AP2M1: variants seen among roughly 807,000 people sequenced by gnomAD.
AP2M1 encodes the protein adaptor related protein complex 2 subunit mu 1.
Under a neutral mutation model 54.5 loss-of-function variants are expected in AP2M1, and 5 were observed. The observed-to-expected ratio is 0.09, with a 90% CI of 0.05 to 0.19. The LOEUF (loss-of-function observed/expected upper bound fraction) is 0.19. AP2M1 is among the 10% of genes least tolerant of loss of function. The probability of loss-of-function intolerance (pLI) is 1.00; values close to 1 mark genes in which losing one functional copy is unlikely to be tolerated. For synonymous variants in AP2M1, 186 were observed against 208.2 expected, an observed-to-expected ratio of 0.89 and a Z score of 0.92; for missense variants, 178 against 580.2, an observed-to-expected ratio of 0.31 and a Z score of 7.12.
In AP2M1 at chr3:184,182,601, A is replaced by G. The variant is rs1715310453; in HGVS notation, c.1062-156A>G. 6.6e-6 allele frequency among the ~76,000 whole-genome samples: 1 copy of G among 152,098 alleles called. No individual in the cohort carries two copies. Among genetic ancestry groups the G allele is most frequent in the South Asian group, 2.1e-4 (1 of 4,826 alleles). On this transcript the variant is annotated intron_variant, in intron 10 of 11. Coordinates refer to ENST00000292807, the MANE Select transcript of AP2M1 (RefSeq NM_004068.4). The surrounding 1 kb of genome is among the most constrained non-coding windows in gnomAD (Gnocchi z 5.5). ...CCTGTTGTTCTAAAGAAGTAGACCC[A>G]AGTTTCCATAGCAAGTGGTTAGCAG...
Position 184,180,663 on chromosome 3 carries a change from C to A in AP2M1, c.429+13C>A. On this transcript the variant is annotated intron_variant, in intron 5 of 11. Coordinates refer to ENST00000292807, the MANE Select transcript of AP2M1 (RefSeq NM_004068.4). The surrounding 1 kb of genome is among the most constrained non-coding windows in gnomAD (Gnocchi z 4.9). ...CCTCCAGCATCAGGTAAGCTCTTCC[C>A]TCAGCTTCCACCCTTGCAGCTTTGC... is the stretch of plus-strand genomic sequence containing the variant. 6.2e-7 allele frequency: 1 copy of A among 1,614,242 alleles called. No individual in the cohort carries two copies. Among genetic ancestry groups the A allele is most frequent in the South Asian group, 1.1e-5 (1 of 91,088 alleles).
At chr3:184,176,377 GC>G (rs1715073235) in intron 1 of AP2M1, among the ~76,000 whole-genome samples, 1 of 152,176 alleles carries the variant, frequency 6.6e-6, no homozygotes, top group Non-Finnish European at 1.5e-5. Flanking sequence ...CCACATTAGG[GC>G]CTAAGGGCTC....
chr3:184,178,282 T>C lies in AP2M1; in HGVS notation c.75-575T>C. On this transcript the variant is annotated intron_variant, in intron 2 of 11. Transcript: ENST00000292807. The surrounding 1 kb of genome is among the most constrained non-coding windows in gnomAD (Gnocchi z 4.9). Reference sequence around the variant, plus strand: ...GGTGGGTGGGGGCCTGCCCCCATCGTTTTCCTGCATCCTTTTTCATTCCCT... The same window carrying C: ...GGTGGGTGGGGGCCTGCCCCCATCGCTTTCCTGCATCCTTTTTCATTCCCT... The C allele has an allele frequency of 6.6e-7, 1 of 1,513,478 alleles. No homozygotes were observed. Among genetic ancestry groups the C allele is most frequent in the Non-Finnish European group, 8.9e-7 (1 of 1,126,262 alleles). The allele number at this position is 1,513,478 out of a possible 1,614,324, so 93.8% of individuals were successfully genotyped here.
In AP2M1 at chr3:184,178,431, G is replaced by A. The variant is rs1044036647; in HGVS notation, c.75-426G>A. 3.9e-5 allele frequency among the ~76,000 whole-genome samples: 6 copies of A among 152,208 alleles called. No individual in the cohort carries two copies. The highest frequency in any genetic ancestry group is 2.1e-4 in the South Asian group (1 of 4,834). The stretch of plus-strand genomic sequence containing the variant: ...GCTTTGTCTAACATCTGGAGGAGTC[G>A]GCCCTCCCCACTGGTGGGATCACTA... On this transcript the variant is annotated intron_variant, in intron 2 of 11. Transcript: ENST00000292807. The surrounding 1 kb of genome is among the most constrained non-coding windows in gnomAD (Gnocchi z 4.9).
intron 1 of AP2M1, chr3:184,175,234 C>T (rs1687242): frequency 5.5e-5 from 20 of 366,348 alleles, no homozygotes; most frequent in Non-Finnish European, 4.9e-6. Context: ...AGGAACGCTG[C>T]GCAGCGCCCC....
At chr3:184,175,642 A>G (rs927760393) in intron 1 of AP2M1, among the ~76,000 whole-genome samples, 1 of 151,932 alleles carries the variant, frequency 6.6e-6, no homozygotes, top group African/African-American at 2.4e-5. Flanking sequence ...CCACCAGCCC[A>G]GTTTGCTGCT....
chr3:184,175,198 G>A (rs1715024366), intron 1 of AP2M1: 5 of 388,574 alleles, frequency 1.3e-5, no homozygotes, highest in Non-Finnish European at 2.3e-5. Flanking sequence ...CCATGAGAGG[G>A]ATACCGCTTG....
At chr3:184,175,532 C>T (rs1715042244) in intron 1 of AP2M1, among the ~76,000 whole-genome samples, 1 of 152,182 alleles carries the variant, frequency 6.6e-6, no homozygotes, top group Non-Finnish European at 1.5e-5. Context: ...TCTGTCTCCC[C>T]AGCTTTCCCT....
Position 184,178,121 on chromosome 3 carries a change from C to T in AP2M1, c.75-736C>T, listed in dbSNP as rs1266761611. The T allele has an allele frequency of 1.4e-6, 2 of 1,411,836 alleles. No homozygotes were observed. Among genetic ancestry groups the T allele is most frequent in the African/African-American group, 2.8e-5 (2 of 70,456 alleles). The allele number at this position is 1,411,836 out of a possible 1,614,324, so 87.5% of individuals were successfully genotyped here. ...TCTGCCTCACGGTGTGTGCCGCCCT[C>T]CCGGTGTGTTGTGTGTCTAACCCTC... On this transcript the variant is annotated intron_variant, in intron 2 of 11. Transcript: ENST00000292807. This position sits in a 1 kb window ranked among gnomAD's most constrained non-coding sequence, Gnocchi z 4.9.
In AP2M1 at chr3:184,183,009, C is replaced by G. The variant is rs1277988630; in HGVS notation, c.1173+141C>G. On this transcript the variant is annotated intron_variant, in intron 11 of 11. Transcript: ENST00000292807. The surrounding 1 kb of genome is among the most constrained non-coding windows in gnomAD (Gnocchi z 5.7). ...ACTGGCTTTAATTCATAGATCCATT[C>G]TTCCCCTTTCAAGCCTCTTAGTAGA... 1 of 752,024 alleles carries G rather than the reference C, an allele frequency of 1.3e-6. No homozygotes were observed. Among genetic ancestry groups the G allele is most frequent in the Non-Finnish European group, 2.4e-6 (1 of 423,424 alleles). 46.6% of individuals were successfully genotyped at this position (752,024 alleles called of 1,614,324 possible). A position where few individuals can be genotyped will look rare whatever the true frequency, so the allele number is the denominator to read the frequency against.
intron 3 of AP2M1, 84 bp downstream of exon 3, chr3:184,179,206 G>A (rs778167763): frequency 2.9e-5 from 44 of 1,516,966 alleles, no homozygotes; most frequent in African/African-American, 4.1e-5. Flanking sequence ...GTGTAGGTCC[G>A]AGGCTCTGGT....
Position 184,180,811 on chromosome 3 carries a change from G to A in AP2M1, c.430-38G>A. 1 of 1,614,226 alleles carries A rather than the reference G, an allele frequency of 6.2e-7. No individual in the cohort carries two copies. Among genetic ancestry groups the A allele is most frequent in the Non-Finnish European group, 8.5e-7 (1 of 1,180,050 alleles). On this transcript the variant is annotated intron_variant, in intron 5 of 11. Transcript: ENST00000292807. The surrounding 1 kb of genome is among the most constrained non-coding windows in gnomAD (Gnocchi z 4.9). Reference sequence around the variant, plus strand: ...AGACAGGATGATTAAAGGGACAGAGGAGTGAGGCCATTGCTGTTTGTTTCT... The same window carrying A: ...AGACAGGATGATTAAAGGGACAGAGAAGTGAGGCCATTGCTGTTTGTTTCT...
At position 184,181,858 on chromosome 3, in the gene AP2M1, CTG is replaced by C; in HGVS notation, c.827+44_827+45del. On this transcript the variant is annotated intron_variant, in intron 8 of 11. Transcript: ENST00000292807. The surrounding 1 kb of genome is among the most constrained non-coding windows in gnomAD (Gnocchi z 5.7). ...GGAGGCAGCTAGTGCTGCTGGCAGA[CTG>C]GGGAGAGGAAGTGGGTCAGCTCTTT... is the stretch of plus-strand genomic sequence containing the variant. 6.2e-7 allele frequency: 1 copy of C among 1,614,070 alleles called. No homozygotes were observed. Among genetic ancestry groups the C allele is most frequent in the Non-Finnish European group, 8.5e-7 (1 of 1,179,950 alleles).
At position 184,182,793 on chromosome 3, in the gene AP2M1, C is replaced by T; in HGVS notation, c.1098C>T (p.Ile366=). The change falls in exon 11 of 12, where the codon ATC becomes ATT. Residue 366 remains isoleucine, a synonymous_variant. Transcript: ENST00000292807. The surrounding 1 kb of genome is among the most constrained non-coding windows in gnomAD (Gnocchi z 5.5). The stretch of plus-strand genomic sequence containing the variant: ...TGGCAGGCATGAAGGAATCGCAGAT[C>T]AGCGCAGAGATTGAGCTTCTGCCTA... ...KRMAGMKESQ[I]SAEIELLPTN... The T allele has an allele frequency of 6.2e-7, 1 of 1,614,130 alleles. No individual in the cohort carries two copies. Among genetic ancestry groups the T allele is most frequent in the Non-Finnish European group, 8.5e-7 (1 of 1,180,032 alleles).
rs1577061190 is a variant in AP2M1, at chr3:184,183,858, T to C, written c.*242T>C. 4.3e-6 allele frequency: 2 copies of C among 465,204 alleles called. No individual in the cohort carries two copies. The highest frequency in any genetic ancestry group is 7.7e-5 in the East Asian group (2 of 26,134). 28.8% of individuals were successfully genotyped at this position (465,204 alleles called of 1,614,324 possible). On this transcript the variant is annotated 3_prime_UTR_variant, in exon 12 of 12. Transcript: ENST00000292807. The surrounding 1 kb of genome is among the most constrained non-coding windows in gnomAD (Gnocchi z 5.7). ...TCCCATCCACCTGTCTGTCCTGGCC[T>C]AATGCCAGGCTCTGAGTTCTGTGAC...
At position 184,174,858 on chromosome 3, in the gene AP2M1, G is replaced by A. The variant is rs1715003147; in HGVS notation, c.-145G>A. ...GGGGCCGGGGCGGGGCGGCGGCACT[G>A]CGGTGAAAGCCGAGGCAGCGGGCAG... On this transcript the variant is annotated 5_prime_UTR_variant, in exon 1 of 12. Coordinates refer to ENST00000292807, the MANE Select transcript of AP2M1 (RefSeq NM_004068.4). 2 of 397,856 alleles carry A rather than the reference G, an allele frequency of 5.0e-6. No individual in the cohort carries two copies. Among genetic ancestry groups the A allele is most frequent in the Non-Finnish European group, 8.9e-6 (2 of 225,458 alleles). 24.6% of individuals were successfully genotyped at this position (397,856 alleles called of 1,614,324 possible).
chr3:184,177,674 C>T (rs1270530272), intron 2 of AP2M1: 1 of 1,435,208 alleles, frequency 7.0e-7, no homozygotes. Context: ...TCAGTAGACC[C>T]AGAGCAGCTC....
Position 184,178,304 on chromosome 3 carries a change from C to T in AP2M1, c.75-553C>T. On this transcript the variant is annotated intron_variant, in intron 2 of 11. Coordinates refer to ENST00000292807, the MANE Select transcript of AP2M1 (RefSeq NM_004068.4). This position sits in a 1 kb window ranked among gnomAD's most constrained non-coding sequence, Gnocchi z 4.9. ...TCGTTTTCCTGCATCCTTTTTCATT[C>T]CCTCAACTTGCTCTGGAGTTGGATC... The T allele has an allele frequency of 2.0e-6, 3 of 1,473,112 alleles. No homozygotes were observed. Among genetic ancestry groups the T allele is most frequent in the Non-Finnish European group, 2.8e-6 (3 of 1,089,616 alleles). 91.3% of individuals were successfully genotyped at this position (1,473,112 alleles called of 1,614,324 possible).
intron 3 of AP2M1, among the ~76,000 whole-genome samples, chr3:184,179,817 T>G (rs1428046528): frequency 6.6e-6 from 1 of 152,074 alleles, no homozygotes; most frequent in Non-Finnish European, 1.5e-5. Context: ...CATGCCACCA[T>G]GCTTGGCTCA....
Sources: allele counts gnomAD v4.1 joint callset (sites outside exome capture counted in the v4.1 genomes callset), GRCh38; gene constraint gnomAD v4.1.1; non-coding constraint Gnocchi (gnomAD v3.1); transcripts MANE v1.5; gene names NCBI Gene and HGNC (gene_info 2026-07-23, HGNC 2026-07-21).